LCOR: variants seen among roughly 807,000 people sequenced by gnomAD.
LCOR encodes ligand-dependent corepressor.
A neutral mutation model predicts 64.4 loss-of-function variants in LCOR; 14 were observed. The observed-to-expected ratio is 0.22, with a 90% CI of 0.14 to 0.34. LCOR has a LOEUF of 0.34. Ranked by LOEUF, LCOR falls within the 10% of genes least tolerant of loss-of-function variation. LCOR has a pLI of 1.00. For synonymous variants in LCOR, 643 were observed against 642.5 expected, an observed-to-expected ratio of 1.00 and a Z score of -0.01; for missense variants, 1,686 against 1,765.3, an observed-to-expected ratio of 0.96 and a Z score of 0.80.
At chr10:96,877,713 G>A (rs968474151) in intron 2 of LCOR, among the ~76,000 whole-genome samples, 3 of 133,970 alleles carry the variant, frequency 2.2e-5, no homozygotes, top group South Asian at 5.2e-4. Context: ...CCGGGTTCAC[G>A]CCATTCTCCT....
rs188344721 is a variant in LCOR at position 96,841,640 on chromosome 10, C to T, written c.-330+8161C>T. Among the ~76,000 whole-genome samples, 566 of 152,228 alleles carry T rather than the reference C, an allele frequency of 3.7e-3. 5 individuals carry two copies. The highest frequency in any genetic ancestry group is 6.8e-3 in the Middle Eastern group (2 of 294). On this transcript the variant is annotated intron_variant, in intron 2 of 7. Coordinates refer to ENST00000421806, the MANE Select transcript of LCOR (RefSeq NM_001346516.2). ...CCTCCCAAAGTGTTGGGATTACAGA[C>T]ATGAGCCACCGCGCCTGGCCAAGAC...
At chr10:96,867,555 C>T (rs1845995081) in intron 2 of LCOR, among the ~76,000 whole-genome samples, 1 of 152,084 alleles carries the variant, frequency 6.6e-6, no homozygotes, top group South Asian at 2.1e-4. Flanking sequence ...TGTGATCATA[C>T]CACTACATTC....
intron 2 of LCOR, among the ~76,000 whole-genome samples, chr10:96,890,629 G>A (rs1445245571): frequency 1.3e-5 from 2 of 152,008 alleles, no homozygotes; most frequent in African/African-American, 4.8e-5. Context: ...AGACATCCTT[G>A]CCTTATTTTT....
At chr10:96,875,320 C>T (rs1443542973) in intron 2 of LCOR, among the ~76,000 whole-genome samples, 2 of 151,958 alleles carry the variant, frequency 1.3e-5, no homozygotes, top group East Asian at 3.9e-4. Context: ...GGAGGCAGAG[C>T]TTGCAGTGGG....
At chr10:96,979,007 A>C (rs1848060389) in intron 7 of LCOR, among the ~76,000 whole-genome samples, 1 of 152,234 alleles carries the variant, frequency 6.6e-6, no homozygotes, top group East Asian at 1.9e-4. Flanking sequence ...TAAATGTCAG[A>C]GCCAAAGGTG....
chr10:96,871,671 C>T (rs1213632934), intron 2 of LCOR, among the ~76,000 whole-genome samples: 1 of 151,854 alleles, frequency 6.6e-6, no homozygotes, highest in Admixed American at 6.6e-5. Context: ...AGCAAATCGG[C>T]ATGCCTTGGC....
intron 7 of LCOR, among the ~76,000 whole-genome samples, chr10:96,966,229 T>TTC (rs1847949258): frequency 7.6e-6 from 1 of 132,244 alleles, no homozygotes; most frequent in African/African-American, 2.9e-5. Context: ...TCTTTTTTTT[T>TTC]TTTTTTTTTT....
At chr10:96,867,556 C>T (rs1179013459) in intron 2 of LCOR, among the ~76,000 whole-genome samples, 2 of 152,028 alleles carry the variant, frequency 1.3e-5, no homozygotes, top group Admixed American at 1.3e-4. Context: ...GTGATCATAC[C>T]ACTACATTCC....
At chr10:96,842,631 T>C (rs1845560533) in intron 2 of LCOR, among the ~76,000 whole-genome samples, 1 of 150,438 alleles carries the variant, frequency 6.6e-6, no homozygotes, top group Non-Finnish European at 1.5e-5. Flanking sequence ...TCTTTTCTTT[T>C]CTTTTTTTTT....
Position 96,982,046 on chromosome 10 carries a change from C to A in LCOR, c.1586C>A (p.Ala529Glu). 1 of 1,614,136 alleles carries A rather than the reference C, an allele frequency of 6.2e-7. No homozygotes were observed. The highest frequency in any genetic ancestry group is 8.5e-7 in the Non-Finnish European group (1 of 1,180,026). Residue 529 changes from alanine to glutamate, a missense_variant, in exon 8 of 8, where the codon GCA becomes GAA. Around this residue, in one of 3 missense-constraint regions of LCOR, gnomAD observed 1,293 missense variants for 1,410.4 expected, o/e 0.92. Coordinates refer to ENST00000421806, the MANE Select transcript of LCOR (RefSeq NM_001346516.2). ...LARNLHSQEK[A>E]SCSALASEAV... ...AGAAATTTACACTCCCAGGAAAAAG[C>A]AAGCTGCTCAGCATTGGCATCAGAG... is the stretch of plus-strand genomic sequence containing the variant.
At position 96,984,042 on chromosome 10, in the gene LCOR, G is replaced by A. The variant is rs972045340; in HGVS notation, c.3582G>A (p.Arg1194=). The A allele has an allele frequency of 9.3e-6, 15 of 1,613,954 alleles. No individual in the cohort carries two copies. Among genetic ancestry groups the A allele is most frequent in the Non-Finnish European group, 1.3e-5 (15 of 1,179,952 alleles). Residue 1194 remains arginine, a synonymous_variant, in exon 8 of 8, where the codon CGG becomes CGA. Coordinates refer to ENST00000421806, the MANE Select transcript of LCOR (RefSeq NM_001346516.2). ...CKWFLETTET[R]SLVIVKKLNT... The stretch of plus-strand genomic sequence containing the variant: ...GGTTCTTAGAGACAACTGAAACCCG[G>A]TCTCTAGTCATTGTGAAGAAGCTCA...
intron 4 of LCOR, among the ~76,000 whole-genome samples, chr10:96,920,584 A>G (rs999190980): frequency 3.4e-5 from 5 of 146,708 alleles, no homozygotes; most frequent in Admixed American, 2.7e-4. Flanking sequence ...ATTCATATAT[A>G]TGTGTATATA....
Position 96,944,265 on chromosome 10 carries a change from A to G in LCOR, c.-51+20A>G, listed in dbSNP as rs1361720423. ...GAAAAGGTTGGTTTCAGTGAAGATG[A>G]TATTTAGCATCTGCTTGTCTTGTAT... is the stretch of plus-strand genomic sequence containing the variant. On this transcript the variant is annotated intron_variant, in intron 5 of 7. Coordinates refer to ENST00000421806, the MANE Select transcript of LCOR (RefSeq NM_001346516.2). 1.0e-6 allele frequency: 1 copy of G among 978,562 alleles called. No homozygotes were observed. Among genetic ancestry groups the G allele is most frequent in the African/African-American group, 1.8e-5 (1 of 57,062 alleles). The allele number at this position is 978,562 out of a possible 1,614,324, so 60.6% of individuals were successfully genotyped here.
At chr10:96,921,528 C>T (rs939006153) in intron 4 of LCOR, among the ~76,000 whole-genome samples, 5 of 152,164 alleles carry the variant, frequency 3.3e-5, no homozygotes, top group African/African-American at 1.2e-4. Flanking sequence ...GTGGCACAAT[C>T]TTGGCTCACC....
intron 2 of LCOR, among the ~76,000 whole-genome samples, chr10:96,872,311 A>G (rs1413605496): frequency 6.6e-6 from 1 of 152,256 alleles, no homozygotes; most frequent in East Asian, 1.9e-4. Flanking sequence ...AGCCTTTGTC[A>G]CTATGAGATT....
At chr10:96,964,767 C>A (rs1429893772) in intron 7 of LCOR, among the ~76,000 whole-genome samples, 2 of 152,046 alleles carry the variant, frequency 1.3e-5, no homozygotes, top group Non-Finnish European at 2.9e-5. Flanking sequence ...TTTCATAATA[C>A]CGTCTTCTGT....
intron 7 of LCOR, chr10:96,958,269 G>T (rs1025663922): frequency 1.5e-6 from 2 of 1,337,862 alleles, no homozygotes; most frequent in Non-Finnish European, 1.9e-6. Context: ...TTCAACTTTT[G>T]TAGAGTTTAT....
At chr10:96,880,362 C>A (rs1434378317) in intron 2 of LCOR, among the ~76,000 whole-genome samples, 1 of 152,074 alleles carries the variant, frequency 6.6e-6, no homozygotes, top group Non-Finnish European at 1.5e-5. Flanking sequence ...ATTTTAAGGC[C>A]ATCTTGTTTA....
At chr10:96,892,688 G>T (rs1049920936) in intron 2 of LCOR, among the ~76,000 whole-genome samples, 3 of 152,022 alleles carry the variant, frequency 2.0e-5, no homozygotes, top group Non-Finnish European at 2.9e-5. Context: ...ATGAATTTTT[G>T]GGGGGACTCC....
Sources: allele counts gnomAD v4.1 joint callset (sites outside exome capture counted in the v4.1 genomes callset), GRCh38; gene constraint gnomAD v4.1.1; regional missense constraint gnomAD v4.1.1; transcripts MANE v1.5; gene names NCBI Gene and HGNC (gene_info 2026-07-23, HGNC 2026-07-21).